WDR49: variants seen among roughly 807,000 people sequenced by gnomAD.
WDR49 encodes the protein cilia- and flagella-associated protein 337.
A neutral mutation model predicts 119.5 loss-of-function variants in WDR49; 107 were observed. The observed-to-expected ratio is 0.90, with a 90% CI of 0.77 to 1.05. The LOEUF is 1.05. Among genes scored for constraint, WDR49 ranks in the 50% least tolerant of loss-of-function variants. WDR49 has a pLI of 0.00. For synonymous variants in WDR49, 425 were observed against 418.8 expected, an observed-to-expected ratio of 1.01 and a Z score of -0.18; for missense variants, 1,240 against 1,220.5, an observed-to-expected ratio of 1.02 and a Z score of -0.24.
intron 9 of WDR49, among the ~76,000 whole-genome samples, chr3:167,555,196 G>C (rs1192718375): frequency 6.6e-6 from 1 of 152,052 alleles, no homozygotes; most frequent in Non-Finnish European, 1.5e-5. Context: ...CATCTCCAGT[G>C]GTCAGTGATG....
At chr3:167,639,174 A>G (rs997849758) in intron 2 of WDR49, among the ~76,000 whole-genome samples, 1 of 151,752 alleles carries the variant, frequency 6.6e-6, no homozygotes, top group South Asian at 2.1e-4. Flanking sequence ...ATTGATTTTC[A>G]TTTGGAAATC....
intron 18 of WDR49, among the ~76,000 whole-genome samples, chr3:167,491,347 C>G (rs1013129433): frequency 1.3e-5 from 2 of 152,134 alleles, no homozygotes; most frequent in Non-Finnish European, 2.9e-5. Flanking sequence ...TAAGAAATCT[C>G]TCTACATTTT....
At chr3:167,568,876 A>T (rs764359591) in intron 8 of WDR49, among the ~76,000 whole-genome samples, 75 of 152,138 alleles carry the variant, frequency 4.9e-4, no homozygotes, top group Non-Finnish European at 9.4e-4. Context: ...GCAACACTTG[A>T]GCTCACCACA....
At chr3:167,645,126 T>C (rs1337916417) in intron 2 of WDR49, among the ~76,000 whole-genome samples, 1 of 152,054 alleles carries the variant, frequency 6.6e-6, no homozygotes, top group Non-Finnish European at 1.5e-5. Flanking sequence ...GAATGGACCA[T>C]GCTAAGGGGG....
chr3:167,500,185 G>A lies in WDR49; in HGVS notation c.2999C>T (p.Pro1000Leu). 1 of 1,576,792 alleles carries A rather than the reference G, an allele frequency of 6.3e-7. No individual in the cohort carries two copies. Among genetic ancestry groups the A allele is most frequent in the African/African-American group, 1.4e-5 (1 of 71,500 alleles). ...AAGTGACGGGGCCTCCAGAATTTGG[G>A]GACGCTCTTCCTCTGGTTCTTTCCT... ...YFRKEPEEER[P>L]QILEAPSLFK... The change falls in exon 18 of 19, where the codon CCC (proline) becomes CTC (leucine). Residue 1000 changes from proline to leucine, a missense_variant. Pro to Leu is a moderately conservative substitution (Grantham distance 98). Coordinates refer to ENST00000682715, the MANE Select transcript of WDR49 (RefSeq NM_001366157.1).
intron 5 of WDR49, among the ~76,000 whole-genome samples, chr3:167,609,483 C>T (rs1195651384): frequency 1.3e-5 from 2 of 152,142 alleles, no homozygotes; most frequent in Admixed American, 1.3e-4. Context: ...CTGGTGCCCG[C>T]CCACAGAGGG....
chr3:167,623,985 C>T (rs1716993009), intron 3 of WDR49, among the ~76,000 whole-genome samples: 1 of 151,824 alleles, frequency 6.6e-6, no homozygotes, highest in Non-Finnish European at 1.5e-5. Context: ...TACAAAGTAT[C>T]CATCTGATAA....
At position 167,478,795 on chromosome 3, in the gene WDR49, T is replaced by C; in HGVS notation, c.*83A>G. On this transcript the variant is annotated 3_prime_UTR_variant, in exon 19 of 19. Transcript: ENST00000682715. ...AACTTCCTGAAGTTTAAATATAAAA[T>C]AAAATAAAAGGCAGAATTCTTGATG... 1.0e-6 allele frequency: 1 copy of C among 969,102 alleles called. No individual in the cohort carries two copies. Among genetic ancestry groups the C allele is most frequent in the East Asian group, 2.6e-5 (1 of 38,248 alleles). 60.0% of individuals were successfully genotyped at this position (969,102 alleles called of 1,614,324 possible). A position where few individuals can be genotyped will look rare whatever the true frequency, so the allele number is the denominator to read the frequency against.
intron 18 of WDR49, among the ~76,000 whole-genome samples, chr3:167,495,226 A>G (rs1227893892): frequency 6.6e-6 from 1 of 152,152 alleles, no homozygotes; most frequent in Non-Finnish European, 1.5e-5. Flanking sequence ...GACTTTAAAA[A>G]TTACCATTAT....
At chr3:167,519,925 G>T (rs937344579) in intron 16 of WDR49, among the ~76,000 whole-genome samples, 2 of 152,098 alleles carry the variant, frequency 1.3e-5, no homozygotes, top group Non-Finnish European at 2.9e-5. Context: ...TTGAATCTAG[G>T]AAAAGATTGG....
intron 10 of WDR49, among the ~76,000 whole-genome samples, chr3:167,538,066 A>G (rs1489060132): frequency 2.0e-5 from 3 of 152,136 alleles, no homozygotes; most frequent in Non-Finnish European, 4.4e-5. Context: ...ACACAATGGA[A>G]CATTCCTTAT....
intron 2 of WDR49, among the ~76,000 whole-genome samples, chr3:167,638,789 G>T (rs1451207327): frequency 6.6e-6 from 1 of 151,428 alleles, no homozygotes; most frequent in Non-Finnish European, 1.5e-5. Flanking sequence ...TTATTCAAGA[G>T]CTCATCAATT....
At chr3:167,576,214 T>G in intron 7 of WDR49, 63 bp from the exon 8 acceptor site, 1 of 1,468,786 alleles carries the variant, frequency 6.8e-7, no homozygotes, top group Non-Finnish European at 9.3e-7. Flanking sequence ...TTTAGCCAAT[T>G]TTTTTTCTAG....
chr3:167,512,532 C>A (rs1385572762), intron 16 of WDR49, among the ~76,000 whole-genome samples: 1 of 152,100 alleles, frequency 6.6e-6, no homozygotes, highest in African/African-American at 2.4e-5. Flanking sequence ...ACTGAAAATT[C>A]AAAAAGCTGG....
At position 167,533,069 on chromosome 3, in the gene WDR49, T is replaced by C. The variant is rs914198208; in HGVS notation, c.1955-92A>G. 5 of 805,942 alleles carry C rather than the reference T, an allele frequency of 6.2e-6. No individual in the cohort carries two copies. In the African/African-American group the frequency reaches 8.6e-5, roughly 14 times the overall value. The allele number at this position is 805,942 out of a possible 1,614,324, so 49.9% of individuals were successfully genotyped here. On this transcript the variant is annotated intron_variant, in intron 11 of 18. Coordinates refer to ENST00000682715, the MANE Select transcript of WDR49 (RefSeq NM_001366157.1). The stretch of plus-strand genomic sequence containing the variant: ...ATCAGAAGAAGTTATTAGCAACATA[T>C]CTTCCACAGAATATGGCACATAGTG...
At chr3:167,557,624 G>T (rs1001555676) in intron 9 of WDR49, among the ~76,000 whole-genome samples, 1 of 151,888 alleles carries the variant, frequency 6.6e-6, no homozygotes, top group Non-Finnish European at 1.5e-5. Context: ...GTGGTGGCAG[G>T]CGCCTGTAGT....
At chr3:167,494,659 A>G (rs1751276583) in intron 18 of WDR49, among the ~76,000 whole-genome samples, 1 of 152,188 alleles carries the variant, frequency 6.6e-6, no homozygotes, top group Non-Finnish European at 1.5e-5. Flanking sequence ...ACAGACCTGC[A>G]TTCGACTGAG....
Position 167,522,495 on chromosome 3 carries a change from C to A in WDR49, c.2605-11G>T, listed in dbSNP as rs781257444. Reference sequence around the variant, plus strand: ...ATGCCAGTGCTTTGCCTGAAAAAAACGAAAACATCTGTTTTATTTTTATGA... The same window carrying A: ...ATGCCAGTGCTTTGCCTGAAAAAAAAGAAAACATCTGTTTTATTTTTATGA... On this transcript the variant is annotated splice_polypyrimidine_tract_variant and intron_variant, in intron 15 of 18. Coordinates refer to ENST00000682715, the MANE Select transcript of WDR49 (RefSeq NM_001366157.1). 1 of 1,584,044 alleles carries A rather than the reference C, an allele frequency of 6.3e-7. No individual in the cohort carries two copies.
intron 8 of WDR49, among the ~76,000 whole-genome samples, chr3:167,563,964 A>G (rs975929816): frequency 6.6e-6 from 1 of 152,252 alleles, no homozygotes; most frequent in Non-Finnish European, 1.5e-5. Flanking sequence ...AGCCATGTTC[A>G]AAGAAAAGAC....
Sources: allele counts gnomAD v4.1 joint callset (sites outside exome capture counted in the v4.1 genomes callset), GRCh38; gene constraint gnomAD v4.1.1; transcripts MANE v1.5; gene names NCBI Gene and HGNC (gene_info 2026-07-23, HGNC 2026-07-21).